NUDT3: variants seen among roughly 807,000 people sequenced by gnomAD.
NUDT3 encodes the protein nudix hydrolase 3.
Under a neutral mutation model 23.6 loss-of-function variants are expected in NUDT3, and 9 were observed. The ratio of observed to expected loss-of-function variants is 0.38; its 90% CI spans 0.23 to 0.66. The LOEUF (loss-of-function observed/expected upper bound fraction) is 0.66, where lower values mean the gene tolerates loss of function less well. Ranked by LOEUF, NUDT3 falls within the 30% of genes least tolerant of loss-of-function variation. The pLI, the probability that NUDT3 is intolerant of heterozygous loss-of-function variation, is 0.52. For synonymous variants in NUDT3, 86 were observed against 82.6 expected, an observed-to-expected ratio of 1.04 and a Z score of -0.22; for missense variants, 172 against 218.5, an observed-to-expected ratio of 0.79 and a Z score of 1.34.
intron 1 of NUDT3, among the ~76,000 whole-genome samples, chr6:34,360,237 CAA>C (rs34629409): frequency 1.8e-3 from 91 of 50,682 alleles, no homozygotes; most frequent in African/African-American, 4.6e-3. Flanking sequence ...GACCCTGTCT[CAA>C]AAAAAAAAAA....
At chr6:34,354,181 G>A (rs2113746135) in intron 1 of NUDT3, among the ~76,000 whole-genome samples, 1 of 151,912 alleles carries the variant, frequency 6.6e-6, no homozygotes, top group Admixed American at 6.6e-5. Flanking sequence ...GCTTCCCAAA[G>A]TGCTGGGATT....
At chr6:34,338,804 G>A (rs1174488423) in intron 2 of NUDT3, among the ~76,000 whole-genome samples, 1 of 152,186 alleles carries the variant, frequency 6.6e-6, no homozygotes, top group African/African-American at 2.4e-5. Context: ...GCCAGGCAGA[G>A]GAGAATGTCT....
intron 2 of NUDT3, among the ~76,000 whole-genome samples, chr6:34,321,746 T>C (rs892564924): frequency 7.2e-5 from 11 of 152,048 alleles, no homozygotes; most frequent in African/African-American, 2.7e-4. Flanking sequence ...CCTCCTCAAG[T>C]GACATGAGCA....
Position 34,342,413 on chromosome 6 carries a change from C to G in NUDT3, c.100-441G>C, listed in dbSNP as rs7764120. On this transcript the variant is annotated intron_variant, in intron 1 of 4. Transcript: ENST00000607016. Reference sequence around the variant, plus strand: ...CCATCATGGTCCAACACTTTCCCTCCAAGTTTCTCACCCATGAACTGGGAG... The same window carrying G: ...CCATCATGGTCCAACACTTTCCCTCGAAGTTTCTCACCCATGAACTGGGAG... Among the ~76,000 whole-genome samples the G allele has an allele frequency of 4.8e-3, 737 of 152,092 alleles. 5 individuals carry two copies. The highest frequency in any genetic ancestry group is 0.017 in the African/African-American group (701 of 41,482).
intron 1 of NUDT3, among the ~76,000 whole-genome samples, chr6:34,372,714 G>A (rs1012156302): frequency 2.6e-5 from 4 of 152,168 alleles, no homozygotes; most frequent in African/African-American, 7.2e-5. Flanking sequence ...TGAGGCAGGA[G>A]AATCGCTTGA....
intron 2 of NUDT3, among the ~76,000 whole-genome samples, chr6:34,319,292 C>CCACA (rs1763905547): frequency 6.6e-6 from 1 of 152,096 alleles, no homozygotes; most frequent in Non-Finnish European, 1.5e-5. Context: ...GGGCTCAGTC[C>CCACA]CACAACACCC....
intron 4 of NUDT3, among the ~76,000 whole-genome samples, chr6:34,291,992 G>C (rs1483834263): frequency 6.6e-6 from 1 of 152,102 alleles, no homozygotes; most frequent in Non-Finnish European, 1.5e-5. Flanking sequence ...TATTTCATTA[G>C]GGTCAATTCT....
At chr6:34,361,393 G>A (rs1764648504) in intron 1 of NUDT3, among the ~76,000 whole-genome samples, 1 of 152,206 alleles carries the variant, frequency 6.6e-6, no homozygotes, top group African/African-American at 2.4e-5. Context: ...TGGTGGGGAT[G>A]TGGAGCAACA....
At chr6:34,336,668 T>C (rs187632129) in intron 2 of NUDT3, among the ~76,000 whole-genome samples, 14,285 of 152,176 alleles carry the variant, frequency 0.094, 773 homozygotes, top group Non-Finnish European at 0.12. Flanking sequence ...TGCTTCCCCC[T>C]GTGTTTACTT....
At chr6:34,382,652 T>G (rs7771935) in intron 1 of NUDT3, among the ~76,000 whole-genome samples, 1 of 151,658 alleles carries the variant, frequency 6.6e-6, no homozygotes, top group Non-Finnish European at 1.5e-5. Context: ...CTGAGCAACA[T>G]AGCAAGACCC....
At chr6:34,332,553 A>T (rs1360342866) in intron 2 of NUDT3, among the ~76,000 whole-genome samples, 1 of 152,232 alleles carries the variant, frequency 6.6e-6, no homozygotes, top group Non-Finnish European at 1.5e-5. Context: ...GAACCCGTGC[A>T]GTTCAATCCC....
intron 1 of NUDT3, among the ~76,000 whole-genome samples, chr6:34,344,578 C>T (rs1220055913): frequency 6.6e-6 from 1 of 152,010 alleles, no homozygotes; most frequent in African/African-American, 2.4e-5. Context: ...GCATAACAGG[C>T]ACAGGGTTTT....
intron 2 of NUDT3, among the ~76,000 whole-genome samples, chr6:34,302,743 A>C (rs1362517851): frequency 6.6e-6 from 1 of 152,186 alleles, no homozygotes; most frequent in Non-Finnish European, 1.5e-5. Context: ...CAAAAAAACA[A>C]AACAAAAAAC....
intron 2 of NUDT3, among the ~76,000 whole-genome samples, chr6:34,338,809 AT>A (rs1764247805): frequency 6.6e-6 from 1 of 152,228 alleles, no homozygotes; most frequent in South Asian, 2.1e-4. Context: ...GCAGAGGAGA[AT>A]GTCTGATACA....
chr6:34,371,420 T>C (rs1276922082), intron 1 of NUDT3, among the ~76,000 whole-genome samples: 2 of 150,510 alleles, frequency 1.3e-5, no homozygotes, highest in African/African-American at 4.9e-5. Flanking sequence ...GAGCTGAGAT[T>C]GCACCACTGC....
chr6:34,390,550 A>G (rs769086676), intron 1 of NUDT3, among the ~76,000 whole-genome samples: 1 of 151,758 alleles, frequency 6.6e-6, no homozygotes, highest in Non-Finnish European at 1.5e-5. Flanking sequence ...TTTTTTTTAT[A>G]TTTAGAGATG....
At chr6:34,312,510 A>C (rs1183029630) in intron 2 of NUDT3, among the ~76,000 whole-genome samples, 3 of 152,196 alleles carry the variant, frequency 2.0e-5, no homozygotes. Flanking sequence ...AGAATGCAAA[A>C]TGATACAGCG....
intron 2 of NUDT3, among the ~76,000 whole-genome samples, chr6:34,341,283 T>C (rs2113734334): frequency 6.6e-6 from 1 of 152,272 alleles, no homozygotes; most frequent in Non-Finnish European, 1.5e-5. Flanking sequence ...TAAGAGTCCA[T>C]GACTTTACTT....
intron 1 of NUDT3, among the ~76,000 whole-genome samples, chr6:34,356,976 A>G (rs904039653): frequency 1.1e-4 from 17 of 152,036 alleles, no homozygotes; most frequent in African/African-American, 4.1e-4. Context: ...ACAGGGTTTC[A>G]CCGTGTTAGC....
Sources: allele counts gnomAD v4.1 joint callset (sites outside exome capture counted in the v4.1 genomes callset), GRCh38; gene constraint gnomAD v4.1.1; transcripts MANE v1.5; gene names NCBI Gene and HGNC (gene_info 2026-07-23, HGNC 2026-07-21).